Variants in NFAT5 observed in about 807,000 individuals in gnomAD.
The protein encoded by NFAT5 is nuclear factor of activated T cells 5.
A neutral mutation model predicts 166.5 loss-of-function variants in NFAT5; 31 were observed. That is an observed-to-expected ratio of 0.19 (90% CI 0.14 to 0.25). NFAT5 has a LOEUF of 0.25. Ranked by LOEUF, NFAT5 falls within the 10% of genes least tolerant of loss-of-function variation. The probability of loss-of-function intolerance (pLI) is 1.00; values close to 1 mark genes in which losing one functional copy is unlikely to be tolerated. For synonymous variants in NFAT5, 612 were observed against 639.7 expected (o/e 0.96, Z 0.65); for missense variants, 1,449 against 1,821.8 (o/e 0.80, Z 3.72).
At chr16:69,587,401 T>C (rs890565721) in intron 2 of NFAT5, among the ~76,000 whole-genome samples, 24 of 151,866 alleles carry the variant, frequency 1.6e-4, no homozygotes, top group African/African-American at 5.6e-4. Context: ...TCTCTTCTTT[T>C]TTTTTGAGAT....
chr16:69,681,567 G>T (rs1189803562), intron 10 of NFAT5, among the ~76,000 whole-genome samples: 1 of 152,176 alleles, frequency 6.6e-6, no homozygotes, highest in African/African-American at 2.4e-5. Flanking sequence ...ACCTTAATCA[G>T]TGTTTCCACC....
chr16:69,581,681 G>A (rs2031702647), intron 2 of NFAT5, among the ~76,000 whole-genome samples: 1 of 152,108 alleles, frequency 6.6e-6, no homozygotes, highest in Non-Finnish European at 1.5e-5. Flanking sequence ...AAATGTCTCT[G>A]ATGACTAATG....
At chr16:69,575,380 C>T (rs929686335) in intron 2 of NFAT5, among the ~76,000 whole-genome samples, 3 of 151,992 alleles carry the variant, frequency 2.0e-5, no homozygotes, top group African/African-American at 7.3e-5. Flanking sequence ...ATTGGTCAGG[C>T]TGGTCTTGAA....
intron 2 of NFAT5, among the ~76,000 whole-genome samples, chr16:69,623,566 G>C (rs972712089): frequency 6.6e-6 from 1 of 151,564 alleles, no homozygotes; most frequent in Non-Finnish European, 1.5e-5. Context: ...GGAGTGCAAT[G>C]GTGTGATCTT....
rs1385524231 is a variant in NFAT5, at chr16:69,703,505, G to T, written c.*7154G>T. 1 of 152,506 alleles carries T rather than the reference G, an allele frequency of 6.6e-6. No homozygotes were observed. Among genetic ancestry groups the T allele is most frequent in the Non-Finnish European group, 1.5e-5 (1 of 68,008 alleles). The allele number at this position is 152,506 out of a possible 1,614,324, so 9.4% of individuals were successfully genotyped here. ...CATTTTAATCTCCTTGTGTAATTCA[G>T]TACCTCCATAATTGTTCTAATCTTC... On this transcript the variant is annotated 3_prime_UTR_variant, in exon 15 of 15. Coordinates refer to ENST00000349945, the MANE Select transcript of NFAT5 (RefSeq NM_138713.4).
At chr16:69,633,892 AT>A (rs200114274) in intron 3 of NFAT5, among the ~76,000 whole-genome samples, 1,841 of 152,264 alleles carry the variant, frequency 0.012, 28 homozygotes, top group African/African-American at 0.042. Context: ...AATTACCTTG[AT>A]TTGATTTCTG....
intron 2 of NFAT5, among the ~76,000 whole-genome samples, chr16:69,588,842 A>G (rs2032267505): frequency 6.6e-6 from 1 of 152,186 alleles, no homozygotes; most frequent in Admixed American, 6.5e-5. Flanking sequence ...GAAATGCCAG[A>G]TTAGAGGGAA....
chr16:69,581,519 A>C (rs1489342245), intron 2 of NFAT5, among the ~76,000 whole-genome samples: 1 of 152,178 alleles, frequency 6.6e-6, no homozygotes, highest in African/African-American at 2.4e-5. Flanking sequence ...GAAACTGCCA[A>C]ACTGCTTTCC....
intron 6 of NFAT5, among the ~76,000 whole-genome samples, chr16:69,658,007 C>T (rs943923389): frequency 3.3e-4 from 50 of 150,254 alleles, no homozygotes; most frequent in Middle Eastern, 3.4e-3. Flanking sequence ...ATGGCGTGAA[C>T]CCGGGAGGCA....
intron 3 of NFAT5, among the ~76,000 whole-genome samples, chr16:69,629,070 G>T (rs975269325): frequency 2.0e-5 from 3 of 152,030 alleles, no homozygotes; most frequent in African/African-American, 7.2e-5. Context: ...GTGAAACTCC[G>T]TCTCAAAAAG....
At chr16:69,584,691 A>G (rs949790106) in intron 2 of NFAT5, among the ~76,000 whole-genome samples, 7 of 151,990 alleles carry the variant, frequency 4.6e-5, no homozygotes, top group Non-Finnish European at 8.8e-5. Flanking sequence ...CAGGAGCCTC[A>G]GGCGGAGGAT....
At chr16:69,655,425 A>G (rs2035836982) in intron 5 of NFAT5, among the ~76,000 whole-genome samples, 184 bp from the exon 6 acceptor site, 1 of 151,048 alleles carries the variant, frequency 6.6e-6, no homozygotes, top group African/African-American at 2.5e-5. Context: ...TAAAACTATG[A>G]CTTACTTCAG....
chr16:69,646,466 G>T, intron 3 of NFAT5: 1 of 771,972 alleles, frequency 1.3e-6, no homozygotes, highest in Non-Finnish European at 1.8e-6. Context: ...ATTGATATCT[G>T]GAATAATCAG....
At chr16:69,678,225 G>A (rs1374214159) in intron 10 of NFAT5, among the ~76,000 whole-genome samples, 1 of 149,456 alleles carries the variant, frequency 6.7e-6, no homozygotes, top group East Asian at 2.0e-4. Context: ...TTTTTTGCAT[G>A]TGAGTGGGAG....
At chr16:69,571,308 A>C (rs11642030) in intron 2 of NFAT5, among the ~76,000 whole-genome samples, 33,352 of 150,460 alleles carry the variant, frequency 0.22, 3,984 homozygotes, top group East Asian at 0.45. Flanking sequence ...TGTCTCAAAA[A>C]AACAACAACA....
chr16:69,691,028 G>A lies in NFAT5; in HGVS notation c.1863G>A (p.Lys621=). The change falls in exon 12 of 15, where the codon AAG becomes AAA. Residue 621 remains lysine, a synonymous_variant. Coordinates refer to ENST00000349945, the MANE Select transcript of NFAT5 (RefSeq NM_138713.4). ...MTPLIPSSMI[K]SEDVTPMEVT... is the part of the protein sequence containing the mutation. ...CACTCATACCAAGCAGTATGATTAA[G>A]AGTGAAGATGTTACTCCAATGGAAG... 6.2e-7 allele frequency: 1 copy of A among 1,608,574 alleles called. No homozygotes were observed. The highest frequency in any genetic ancestry group is 8.5e-7 in the Non-Finnish European group (1 of 1,177,712).
intron 2 of NFAT5, among the ~76,000 whole-genome samples, chr16:69,576,256 C>A (rs1349364634): frequency 6.9e-6 from 1 of 145,878 alleles, no homozygotes; most frequent in Non-Finnish European, 1.5e-5. Flanking sequence ...GGCGCCTCTG[C>A]ACTCCAGCCT....
intron 4 of NFAT5, chr16:69,648,275 C>T (rs892998468): frequency 3.9e-5 from 38 of 984,020 alleles, no homozygotes; most frequent in Non-Finnish European, 4.6e-5. Context: ...TGTTCTCTTT[C>T]CAATTGTGTC....
intron 10 of NFAT5, among the ~76,000 whole-genome samples, chr16:69,680,928 T>A (rs2037033438): frequency 6.6e-6 from 1 of 152,024 alleles, no homozygotes; most frequent in Non-Finnish European, 1.5e-5. Context: ...CCTGGCTAAT[T>A]TTTGTATTTT....
Sources: gnomAD v4.1 joint callset for allele counts (sites outside exome capture counted in the v4.1 genomes callset) on GRCh38, gnomAD v4.1.1 for gene constraint, MANE v1.5 for transcripts, NCBI Gene and HGNC (gene_info 2026-07-23, HGNC 2026-07-21) for gene names.